Variants in RUNDC3B observed in about 807,000 individuals in gnomAD.
RUNDC3B encodes the protein RUN domain-containing protein 3B.
In RUNDC3B, 33 loss-of-function variants were observed where a neutral mutation model predicts 58.4. The ratio of observed to expected loss-of-function variants is 0.56; its 90% CI spans 0.43 to 0.75. RUNDC3B has a LOEUF of 0.75. RUNDC3B is among the 30% of genes least tolerant of loss of function. The pLI is 0.00. For missense variants in RUNDC3B, 501 were observed against 535.7 expected (o/e 0.94, Z 0.64); for synonymous variants, 193 against 195.2 (o/e 0.99, Z 0.10).
At chr7:87,710,736 C>A in intron 4 of RUNDC3B, 81 bp downstream of exon 4, 1 of 712,574 alleles carries the variant, frequency 1.4e-6, no homozygotes, top group Non-Finnish European at 2.3e-6. Context: ...GATGAAGAAT[C>A]AATTTCTAAA....
At chr7:87,773,225 A>T (rs1834380882) in intron 7 of RUNDC3B, among the ~76,000 whole-genome samples, 1 of 150,622 alleles carries the variant, frequency 6.6e-6, no homozygotes, top group Non-Finnish European at 1.5e-5. Flanking sequence ...CGGGAAGCTG[A>T]GGCAGGAGAA....
intron 2 of RUNDC3B, among the ~76,000 whole-genome samples, chr7:87,680,287 T>C (rs1408359908): frequency 1.3e-5 from 2 of 150,616 alleles, no homozygotes; most frequent in African/African-American, 4.9e-5. Context: ...TGATAGACAT[T>C]TGGGTTGGTT....
intron 2 of RUNDC3B, among the ~76,000 whole-genome samples, chr7:87,661,105 A>G (rs142135710): frequency 1.5e-3 from 228 of 151,826 alleles, no homozygotes; most frequent in Non-Finnish European, 2.2e-3. Context: ...TTATTCTGAT[A>G]GATTACATTT....
intron 2 of RUNDC3B, among the ~76,000 whole-genome samples, chr7:87,680,070 C>A (rs1826776646): frequency 6.6e-6 from 1 of 150,418 alleles, no homozygotes; most frequent in Non-Finnish European, 1.5e-5. Context: ...CGTTCCCCAC[C>A]CTGTGTCCAT....
intron 2 of RUNDC3B, among the ~76,000 whole-genome samples, chr7:87,688,608 T>C (rs186400958): frequency 5.9e-5 from 9 of 152,124 alleles, no homozygotes; most frequent in Admixed American, 3.9e-4. Context: ...TTGATTAGTC[T>C]TCATACATGA....
chr7:87,800,184 C>A (rs1054717118), intron 8 of RUNDC3B, among the ~76,000 whole-genome samples: 1 of 152,112 alleles, frequency 6.6e-6, no homozygotes, highest in African/African-American at 2.4e-5. Context: ...GAAAGTATAA[C>A]CACATCATGA....
chr7:87,641,956 T>G (rs1822501983), intron 1 of RUNDC3B, among the ~76,000 whole-genome samples: 1 of 152,114 alleles, frequency 6.6e-6, no homozygotes, highest in South Asian at 2.1e-4. Context: ...AATAACAATT[T>G]AAAATTTTCA....
At chr7:87,646,279 A>G (rs542891389) in intron 1 of RUNDC3B, among the ~76,000 whole-genome samples, 9 of 152,288 alleles carry the variant, frequency 5.9e-5, no homozygotes, top group Admixed American at 2.6e-4. Context: ...ACTAATAGCC[A>G]TGGCTTTTTC....
chr7:87,808,264 T>G (rs554050335), intron 9 of RUNDC3B, among the ~76,000 whole-genome samples: 1 of 151,936 alleles, frequency 6.6e-6, no homozygotes, highest in Non-Finnish European at 1.5e-5. Context: ...TTCTCGTATT[T>G]TCTCTAGTTT....
intron 3 of RUNDC3B, among the ~76,000 whole-genome samples, chr7:87,706,559 G>A (rs1311977502): frequency 6.6e-6 from 1 of 152,166 alleles, no homozygotes; most frequent in African/African-American, 2.4e-5. Context: ...ATATAAGGGA[G>A]CAACCAAGGC....
chr7:87,817,289 C>G (rs1222509723), intron 10 of RUNDC3B, among the ~76,000 whole-genome samples: 1 of 152,206 alleles, frequency 6.6e-6, no homozygotes, highest in African/African-American at 2.4e-5. Context: ...GTCTCTGCCA[C>G]TTGGAGCAAG....
intron 4 of RUNDC3B, among the ~76,000 whole-genome samples, chr7:87,728,083 T>G (rs1290468182): frequency 6.6e-6 from 1 of 152,154 alleles, no homozygotes; most frequent in Non-Finnish European, 1.5e-5. Context: ...ACAATAAAAT[T>G]ATATAGAATA....
At chr7:87,732,809 G>T (rs981353607) in intron 4 of RUNDC3B, among the ~76,000 whole-genome samples, 1 of 152,166 alleles carries the variant, frequency 6.6e-6, no homozygotes, top group African/African-American at 2.4e-5. Flanking sequence ...CATAACATTT[G>T]TATGTAGAAG....
intron 6 of RUNDC3B, among the ~76,000 whole-genome samples, chr7:87,744,891 C>T (rs1482347163): frequency 3.3e-5 from 5 of 151,858 alleles, no homozygotes; most frequent in Non-Finnish European, 1.5e-5. Context: ...TTGTCCTGTT[C>T]CAGTTCTCAG....
At chr7:87,637,815 T>C (rs1821944068) in intron 1 of RUNDC3B, among the ~76,000 whole-genome samples, 1 of 152,084 alleles carries the variant, frequency 6.6e-6, no homozygotes, top group African/African-American at 2.4e-5. Flanking sequence ...TTTTTTGCAG[T>C]TAAAATTTTT....
At chr7:87,744,792 G>A (rs1025014258) in intron 6 of RUNDC3B, among the ~76,000 whole-genome samples, 7 of 152,028 alleles carry the variant, frequency 4.6e-5, no homozygotes, top group Admixed American at 2.0e-4. Flanking sequence ...TCTCTTTACC[G>A]ATGTGGATGC....
chr7:87,632,112 C>CA (rs201197232), intron 1 of RUNDC3B, among the ~76,000 whole-genome samples: 2,104 of 134,956 alleles, frequency 0.016, 47 homozygotes, highest in East Asian at 0.095. Context: ...TTTACAAAAC[C>CA]AAAAAAAAAA....
At chr7:87,678,377 T>A (rs1352019696) in intron 2 of RUNDC3B, among the ~76,000 whole-genome samples, 1 of 152,256 alleles carries the variant, frequency 6.6e-6, no homozygotes, top group Non-Finnish European at 1.5e-5. Flanking sequence ...TGGTTATATA[T>A]ATTTAGTTGA....
chr7:87,829,904 A>G lies in RUNDC3B; in HGVS notation c.1245A>G (p.Ser415=), dbSNP rs769746857. The change falls in exon 11 of 11, where the codon TCA becomes TCG. Residue 415 remains serine, a synonymous_variant. Coordinates refer to ENST00000394654, the MANE Select transcript of RUNDC3B (RefSeq NM_001134405.2). ...VMSEGKEDTP[S]LLGLCGSLTS... is the part of the protein sequence containing the mutation. ...TTTCAGGTAAGGAAGATACTCCCTC[A>G]TTACTTGGCCTCTGTGGATCTCTAA... The G allele has an allele frequency of 6.2e-7, 1 of 1,604,382 alleles. No individual in the cohort carries two copies. The highest frequency in any genetic ancestry group is 8.5e-7 in the Non-Finnish European group (1 of 1,175,054).
Sources: gnomAD v4.1 joint callset for allele counts (sites outside exome capture counted in the v4.1 genomes callset) on GRCh38, gnomAD v4.1.1 for gene constraint, MANE v1.5 for transcripts, NCBI Gene and HGNC (gene_info 2026-07-23, HGNC 2026-07-21) for gene names.